Variants in ELAPOR1 observed in about 807,000 individuals in gnomAD.
The protein encoded by ELAPOR1 is endosome-lysosome associated apoptosis and autophagy regulator 1, also known as endosome/lysosome-associated apoptosis and autophagy regulator 1.
A neutral mutation model predicts 119.7 loss-of-function variants in ELAPOR1; 77 were observed. That is an observed-to-expected ratio of 0.64 (90% CI 0.54 to 0.78). ELAPOR1 has a LOEUF of 0.78. Ranked by LOEUF, ELAPOR1 falls within the 30% of genes least tolerant of loss-of-function variation. ELAPOR1 has a pLI of 0.00. For synonymous variants in ELAPOR1, 481 were observed against 487.2 expected, an observed-to-expected ratio of 0.99 and a Z score of 0.17; for missense variants, 1,115 against 1,270.4, an observed-to-expected ratio of 0.88 and a Z score of 1.86.
At chr1:109,151,135 C>T (rs1249198844) in intron 1 of ELAPOR1, among the ~76,000 whole-genome samples, 1 of 151,780 alleles carries the variant, frequency 6.6e-6, no homozygotes, top group Non-Finnish European at 1.5e-5. Context: ...GCTTGGAGCA[C>T]AGAAGAATGA....
rs1318477406 is a variant in ELAPOR1, at chr1:109,133,766, A to G, written c.153+19430A>G. On this transcript the variant is annotated intron_variant, in intron 1 of 21. Coordinates refer to ENST00000369939, the MANE Select transcript of ELAPOR1 (RefSeq NM_020775.5). ...TTGGCACTACTTAGAGTGGGAGGAA[A>G]TAGATAGCTTGTTTATCAGTGGGCA... Among the ~76,000 whole-genome samples the G allele has an allele frequency of 2.0e-5, 3 of 152,336 alleles. No homozygotes were observed. The East Asian group carries it at 5.8e-4, about 29-fold the overall frequency.
rs768245171 is a variant in ELAPOR1 at position 109,194,458 on chromosome 1, G to A, written c.1985G>A (p.Arg662His). 5.6e-5 allele frequency: 90 copies of A among 1,613,630 alleles called. No homozygotes were observed. Among genetic ancestry groups the A allele is most frequent in the South Asian group, 3.7e-4 (34 of 91,082 alleles). The change falls in exon 15 of 22, where the codon CGC (arginine) becomes CAC (histidine). Residue 662 changes from arginine (R) to histidine (H), a missense_variant. By Grantham distance (29) the Arg-to-His change is conservative. Transcript: ENST00000369939. ...TGCTACAACGATTGCACCTTCTCAC[G>A]CAACACTCCGACCAGGACTTTCAAC... Reference protein sequence around the residue: ...SLCYNDCTFSRNTPTRTFNYN... With the variant: ...SLCYNDCTFSHNTPTRTFNYN...
intron 1 of ELAPOR1, among the ~76,000 whole-genome samples, chr1:109,123,027 C>T (rs1648546226): frequency 6.6e-6 from 1 of 152,176 alleles, no homozygotes; most frequent in African/African-American, 2.4e-5. Flanking sequence ...CCTTGTTTAG[C>T]CCACAATCCT....
chr1:109,169,442 G>A (rs1200630659), intron 3 of ELAPOR1, among the ~76,000 whole-genome samples: 1 of 151,904 alleles, frequency 6.6e-6, no homozygotes, highest in Admixed American at 6.6e-5. Context: ...GTTTCACCAT[G>A]TTGGTCAGGC....
intron 18 of ELAPOR1, 28 bp downstream of exon 18, chr1:109,198,702 G>A (rs1178014254): frequency 6.3e-7 from 1 of 1,575,308 alleles, no homozygotes; most frequent in Non-Finnish European, 8.7e-7. Context: ...ATGTAACAAA[G>A]GCCAAAATCT....
chr1:109,138,078 A>T (rs577400736), intron 1 of ELAPOR1, among the ~76,000 whole-genome samples: 6 of 152,266 alleles, frequency 3.9e-5, no homozygotes, highest in African/African-American at 1.4e-4. Flanking sequence ...GAAAGCACCT[A>T]CTCAGGTACA....
intron 1 of ELAPOR1, among the ~76,000 whole-genome samples, chr1:109,158,135 A>C (rs1651001481): frequency 6.6e-6 from 1 of 152,124 alleles, no homozygotes. Context: ...TAATTCGCCC[A>C]CCTTGACCTC....
chr1:109,124,974 G>A lies in ELAPOR1; in HGVS notation c.153+10638G>A, dbSNP rs183639677. Among the ~76,000 whole-genome samples, 11 of 152,178 alleles carry A rather than the reference G, an allele frequency of 7.2e-5. No individual in the cohort carries two copies. In the East Asian group the frequency reaches 2.1e-3, roughly 29 times the overall value. ...GACAGAATCTTGCTCTGTCACCCAG[G>A]CTGGACTGCAGTGGTGTAATCTCGG... On this transcript the variant is annotated intron_variant, in intron 1 of 21. Coordinates refer to ENST00000369939, the MANE Select transcript of ELAPOR1 (RefSeq NM_020775.5).
intron 2 of ELAPOR1, 108 bp from the exon 3 acceptor site, chr1:109,164,391 A>G: frequency 1.1e-6 from 1 of 905,518 alleles, no homozygotes. Flanking sequence ...AGTGGGCCAA[A>G]CTCCTAGACC....
In ELAPOR1 at chr1:109,132,435, C is replaced by T. The variant is rs150548485; in HGVS notation, c.153+18099C>T. ...TGCTGGGACTACAGCTGTGGGCTAC[C>T]GCACCCAGCCTGCCAGGCATTATTT... On this transcript the variant is annotated intron_variant, in intron 1 of 21. Coordinates refer to ENST00000369939, the MANE Select transcript of ELAPOR1 (RefSeq NM_020775.5). Among the ~76,000 whole-genome samples the T allele has an allele frequency of 6.0e-3, 918 of 152,238 alleles. 12 individuals are homozygous for T. The highest frequency in any genetic ancestry group is 0.012 in the African/African-American group (493 of 41,554).
At chr1:109,126,245 A>G (rs1648770320) in intron 1 of ELAPOR1, among the ~76,000 whole-genome samples, 1 of 152,178 alleles carries the variant, frequency 6.6e-6, no homozygotes, top group Admixed American at 6.5e-5. Context: ...GCAGGCAAAG[A>G]TAAGGGACAA....
chr1:109,192,667 T>G lies in ELAPOR1; in HGVS notation c.1740T>G (p.Val580=). The change falls in exon 14 of 22, where the codon GTT becomes GTG. Residue 580 remains valine (V), a synonymous_variant. Transcript: ENST00000369939. The part of the protein sequence containing the change: ...AKIYSINVTN[V]MNGVASYCRP... ...TCTACTCCATCAATGTCACCAATGT[T>G]ATGAATGGTGTGGCCTCCTACTGCC... 6.2e-7 allele frequency: 1 copy of G among 1,614,140 alleles called. No homozygotes were observed. Among genetic ancestry groups the G allele is most frequent in the Non-Finnish European group, 8.5e-7 (1 of 1,180,016 alleles).
At chr1:109,194,905 C>T (rs532471883) in intron 15 of ELAPOR1, among the ~76,000 whole-genome samples, 56 of 149,282 alleles carry the variant, frequency 3.8e-4, no homozygotes, top group African/African-American at 1.1e-3. Context: ...GTGGGGAGTT[C>T]GAGACCAGCC....
intron 1 of ELAPOR1, among the ~76,000 whole-genome samples, chr1:109,146,975 G>T (rs2101010985): frequency 6.6e-6 from 1 of 151,472 alleles, no homozygotes; most frequent in East Asian, 1.9e-4. Context: ...GCACAAACTT[G>T]GCTCACTGCA....
chr1:109,177,248 C>G (rs1312528322), intron 7 of ELAPOR1, among the ~76,000 whole-genome samples: 3 of 147,396 alleles, frequency 2.0e-5, no homozygotes, highest in Non-Finnish European at 4.5e-5. Context: ...ACCCCCCCAC[C>G]TCCCTCCCGG....
intron 2 of ELAPOR1, among the ~76,000 whole-genome samples, chr1:109,162,731 G>C (rs1305831992): frequency 2.0e-5 from 3 of 152,258 alleles, no homozygotes; most frequent in Non-Finnish European, 2.9e-5. Flanking sequence ...ACAGTGCCTG[G>C]TTGAGTAAGT....
intron 21 of ELAPOR1, among the ~76,000 whole-genome samples, chr1:109,202,685 C>G (rs969724032): frequency 6.6e-6 from 1 of 152,160 alleles, no homozygotes; most frequent in Admixed American, 6.5e-5. Context: ...AGGTGATCCA[C>G]CTGCCTTGGC....
Position 109,153,703 on chromosome 1 carries a change from G to A in ELAPOR1, c.154-8191G>A, listed in dbSNP as rs888734912. Among the ~76,000 whole-genome samples, 13 of 151,802 alleles carry A rather than the reference G, an allele frequency of 8.6e-5. No individual in the cohort carries two copies. In the South Asian group the frequency reaches 1.7e-3, roughly 19 times the overall value. ...TGCCCAGGCTGGAGTGCAATGGTGC[G>A]GTCTCGGTTCACTGCAACCTCTGCC... On this transcript the variant is annotated intron_variant, in intron 1 of 21. Coordinates refer to ENST00000369939, the MANE Select transcript of ELAPOR1 (RefSeq NM_020775.5).
chr1:109,119,185 C>G (rs1248037091), intron 1 of ELAPOR1, among the ~76,000 whole-genome samples: 4 of 151,326 alleles, frequency 2.6e-5, no homozygotes, highest in Admixed American at 2.6e-4. Flanking sequence ...GAGTGAGCCA[C>G]CACACCTGGC....
Sources: gnomAD v4.1 joint callset for allele counts (sites outside exome capture counted in the v4.1 genomes callset) on GRCh38, gnomAD v4.1.1 for gene constraint, MANE v1.5 for transcripts, NCBI Gene and HGNC (gene_info 2026-07-23, HGNC 2026-07-21) for gene names.